The following CYRIB variants were observed in gnomAD, a reference collection of about 807,000 sequenced individuals.
CYRIB encodes CYFIP-related Rac1 interactor B.
CYRIB carries 8 observed loss-of-function variants against 44.2 expected under a neutral mutation model. The observed-to-expected ratio is 0.18, with a 90% CI of 0.11 to 0.33. CYRIB has a LOEUF of 0.33. Among genes scored for constraint, CYRIB ranks in the 10% least tolerant of loss-of-function variants. The pLI is 1.00. For missense variants in CYRIB, 185 were observed against 382.8 expected (o/e 0.48, Z 4.31); for synonymous variants, 131 against 127.2 (o/e 1.03, Z -0.20).
chr8:129,914,936 T>A (rs2079935159), intron 1 of CYRIB, among the ~76,000 whole-genome samples: 1 of 152,070 alleles, frequency 6.6e-6, no homozygotes, highest in South Asian at 2.1e-4. Flanking sequence ...GGACTGCAAA[T>A]AAGCACTTGA....
At position 130,011,843 on chromosome 8, in the gene CYRIB, A is replaced by C. The variant is rs184302319; in HGVS notation, c.-296+4527T>G. 1.0e-3 allele frequency among the ~76,000 whole-genome samples: 155 copies of C among 151,914 alleles called. 1 individual carries two copies. Among genetic ancestry groups the C allele is most frequent in the African/African-American group, 3.2e-3 (131 of 41,450 alleles). The stretch of plus-strand genomic sequence containing the variant: ...GCGAGACTCCATCTCAAAACTAAAA[A>C]TAAAAATAAAAATAATTAAAAAAAA... On this transcript the variant is annotated intron_variant, in intron 1 of 14. Transcript: ENST00000401979.
At chr8:129,907,781 C>A (rs1268408087) in intron 1 of CYRIB, among the ~76,000 whole-genome samples, 1 of 152,104 alleles carries the variant, frequency 6.6e-6, no homozygotes, top group African/African-American at 2.4e-5. Context: ...GTGGGTGGAT[C>A]ACCTAAGGTC....
intron 4 of CYRIB, among the ~76,000 whole-genome samples, chr8:129,862,766 A>T (rs888433191): frequency 2.0e-5 from 3 of 152,102 alleles, no homozygotes; most frequent in Non-Finnish European, 4.4e-5. Flanking sequence ...GCCACCACGC[A>T]CGGCTGAGTG....
At chr8:129,858,702 A>G (rs773280073) in intron 5 of CYRIB, among the ~76,000 whole-genome samples, 12 of 125,018 alleles carry the variant, frequency 9.6e-5, no homozygotes, top group African/African-American at 3.4e-5. Flanking sequence ...AGTGAAACGA[A>G]GCTAACATGT....
rs140041802 is a variant in CYRIB at position 129,950,190 on chromosome 8, G to A, written c.-243+20753C>T. ...AATTGCTGTTTTAATATTCAAACTC[G>A]CAAAGTTGTGTATGATAGAAGCTGA... On this transcript the variant is annotated intron_variant, in intron 2 of 14. Transcript: ENST00000401979. 5.9e-4 allele frequency among the ~76,000 whole-genome samples: 90 copies of A among 152,108 alleles called. No homozygotes were observed. In the South Asian group the frequency reaches 0.011, roughly 18 times the overall value.
chr8:129,934,079 G>A (rs2092329822), intron 1 of CYRIB, among the ~76,000 whole-genome samples: 1 of 152,158 alleles, frequency 6.6e-6, no homozygotes, highest in Non-Finnish European at 1.5e-5. Context: ...TGATTTCACT[G>A]ATTAGAGGAT....
intron 2 of CYRIB, chr8:129,879,691 C>A (rs1372695568): frequency 1.8e-5 from 8 of 452,628 alleles, no homozygotes; most frequent in Non-Finnish European, 3.1e-5. Flanking sequence ...CACAATGGCA[C>A]AACTGTTGCT....
At position 129,841,740 on chromosome 8, in the gene CYRIB, C is replaced by T. The variant is rs2036410577; in HGVS notation, c.*402G>A. On this transcript the variant is annotated 3_prime_UTR_variant, in exon 12 of 12. Transcript: ENST00000519824. The stretch of plus-strand genomic sequence containing the variant: ...TCATTTTGGTTGCACATGAAAAAGG[C>T]GGCAGTAGAAAATAAAGTCATTGAG... 4 of 157,904 alleles carry T rather than the reference C, an allele frequency of 2.5e-5. 1 individual carries two copies. Among genetic ancestry groups the T allele is most frequent in the Admixed American group, 6.4e-5 (1 of 15,506 alleles). The allele number at this position is 157,904 out of a possible 1,614,324, so 9.8% of individuals were successfully genotyped here. A position where few individuals can be genotyped will look rare whatever the true frequency, so the allele number is the denominator to read the frequency against.
intron 1 of CYRIB, among the ~76,000 whole-genome samples, chr8:129,907,282 T>A (rs1461156371): frequency 2.6e-5 from 4 of 152,018 alleles, no homozygotes; most frequent in South Asian, 2.1e-4. Flanking sequence ...AAATGATGAG[T>A]TTAGGTCCTT....
At chr8:129,989,981 T>G (rs1468715915) in intron 1 of CYRIB, among the ~76,000 whole-genome samples, 5 of 152,092 alleles carry the variant, frequency 3.3e-5, no homozygotes, top group African/African-American at 1.2e-4. Flanking sequence ...AACTCATCAT[T>G]TTTATGGCTG....
intron 2 of CYRIB, among the ~76,000 whole-genome samples, chr8:129,891,510 A>C (rs1172181673): frequency 6.6e-6 from 1 of 152,222 alleles, no homozygotes; most frequent in Non-Finnish European, 1.5e-5. Flanking sequence ...GTACAACAGG[A>C]TTCAGGTATT....
intron 1 of CYRIB, among the ~76,000 whole-genome samples, chr8:129,928,219 G>C (rs889853901): frequency 6.6e-6 from 1 of 151,244 alleles, no homozygotes; most frequent in Non-Finnish European, 1.5e-5. Flanking sequence ...CACGTCTGTA[G>C]CATCAGTTAT....
At chr8:129,940,754 A>G (rs2093628602), upstream of CYRIB, among the ~76,000 whole-genome samples, 1 of 152,172 alleles carries the variant, frequency 6.6e-6, no homozygotes, top group South Asian at 2.1e-4. Context: ...AGCTGAGCAG[A>G]TCACTAAGAT....
chr8:129,906,310 T>C (rs2075361145), intron 1 of CYRIB, among the ~76,000 whole-genome samples: 1 of 152,176 alleles, frequency 6.6e-6, no homozygotes, highest in Non-Finnish European at 1.5e-5. Flanking sequence ...CATCTACAAC[T>C]ATCTGATCTT....
chr8:129,988,189 T>C (rs1283713823), intron 1 of CYRIB, among the ~76,000 whole-genome samples: 4 of 152,202 alleles, frequency 2.6e-5, no homozygotes, highest in African/African-American at 9.6e-5. Context: ...TGCTACGTGA[T>C]ACCCGGATGG....
intron 7 of CYRIB, 60 bp from the exon 10 acceptor site, chr8:129,852,338 T>A: frequency 9.3e-7 from 1 of 1,073,522 alleles, no homozygotes; most frequent in Non-Finnish European, 1.3e-6. Context: ...TAATAACAAT[T>A]ATACAAGGAC....
At chr8:129,930,065 G>A (rs909756469) in intron 1 of CYRIB, among the ~76,000 whole-genome samples, 3 of 151,760 alleles carry the variant, frequency 2.0e-5, no homozygotes, top group East Asian at 1.9e-4. Flanking sequence ...ACAAAAATTC[G>A]CCGGGCGTGG....
At position 129,898,072 on chromosome 8, in the gene CYRIB, A is replaced by C. The variant is rs550926683; in HGVS notation, c.-11+5240T>G. ...AGCCACTGTGCCTGGCCCCAATCTA[A>C]AAATTTTTTTTAAGTTTTTTTGTTT... is the stretch of plus-strand genomic sequence containing the variant. On this transcript the variant is annotated intron_variant, in intron 2 of 11. Transcript: ENST00000519824. Among the ~76,000 whole-genome samples the C allele has an allele frequency of 4.4e-4, 57 of 129,820 alleles. No homozygotes were observed. In the South Asian group the frequency reaches 0.015, roughly 35 times the overall value. The allele number at this position is 129,820 out of a possible 152,430, so 85.2% of individuals were successfully genotyped here. A position where few individuals can be genotyped will look rare whatever the true frequency, so the allele number is the denominator to read the frequency against.
At chr8:129,953,593 C>T (rs996307792) in intron 2 of CYRIB, among the ~76,000 whole-genome samples, 4 of 152,178 alleles carry the variant, frequency 2.6e-5, no homozygotes, top group African/African-American at 4.8e-5. Context: ...AGGACGGTAG[C>T]GGCCACACTA....
Sources: allele counts gnomAD v4.1 joint callset (sites outside exome capture counted in the v4.1 genomes callset), GRCh38; gene constraint gnomAD v4.1.1; transcripts MANE v1.5; gene names NCBI Gene and HGNC (gene_info 2026-07-23, HGNC 2026-07-21).